Variants in FMN2 observed in about 807,000 individuals in gnomAD.
FMN2 encodes formin-2.
FMN2 carries 51 observed loss-of-function variants against 142.3 expected under a neutral mutation model. That is an observed-to-expected ratio of 0.36 (90% CI 0.29 to 0.45). FMN2 has a LOEUF of 0.45. Among genes scored for constraint, FMN2 ranks in the 20% least tolerant of loss-of-function variants. The pLI is 1.00. For synonymous variants in FMN2, 882 were observed against 869.8 expected (o/e 1.01, Z -0.25); for missense variants, 1,936 against 2,122.8 (o/e 0.91, Z 1.73).
intron 7 of FMN2, among the ~76,000 whole-genome samples, chr1:240,264,256 G>A (rs1668721396): frequency 6.6e-6 from 1 of 152,084 alleles, no homozygotes; most frequent in Non-Finnish European, 1.5e-5. Context: ...CCTCAAAAGG[G>A]TCCAAAGCTG....
chr1:240,387,137 C>G lies in FMN2; in HGVS notation c.4859-5374C>G, dbSNP rs190180682. On this transcript the variant is annotated intron_variant, in intron 14 of 17. Transcript: ENST00000319653. ...CTCTGAATATTGTCATTATAAACCA[C>G]TTTTCATTGTTGCCTTTTTTCTTAA... 8.5e-5 allele frequency among the ~76,000 whole-genome samples: 13 copies of G among 152,314 alleles called. No homozygotes were observed. In the East Asian group the frequency reaches 2.5e-3, roughly 29 times the overall value.
chr1:240,348,334 G>A (rs962051383), intron 13 of FMN2, among the ~76,000 whole-genome samples: 1 of 151,150 alleles, frequency 6.6e-6, no homozygotes, highest in Middle Eastern at 3.2e-3. Flanking sequence ...TGATTCTCGT[G>A]ACTCAGCCTC....
intron 15 of FMN2, among the ~76,000 whole-genome samples, chr1:240,405,185 G>A (rs917563112): frequency 1.3e-5 from 2 of 152,132 alleles, no homozygotes; most frequent in African/African-American, 4.8e-5. Flanking sequence ...TCTAATCACC[G>A]TGCTCTTGAA....
At chr1:240,314,366 C>T (rs989057043) in intron 8 of FMN2, among the ~76,000 whole-genome samples, 20 of 152,096 alleles carry the variant, frequency 1.3e-4, no homozygotes, top group Admixed American at 1.2e-3. Flanking sequence ...TGCTGTATTA[C>T]GTCTATGCCA....
chr1:240,393,228 C>T (rs544085839), intron 15 of FMN2, among the ~76,000 whole-genome samples: 53 of 152,032 alleles, frequency 3.5e-4, no homozygotes, highest in African/African-American at 1.1e-3. Context: ...GCAAGTCTAT[C>T]GGTGCCATGT....
At chr1:240,393,205 A>C (rs184468698) in intron 15 of FMN2, among the ~76,000 whole-genome samples, 1 of 152,110 alleles carries the variant, frequency 6.6e-6, no homozygotes, top group Admixed American at 6.5e-5. Flanking sequence ...GGTTTGTGGC[A>C]ACTCTGCTTC....
chr1:240,289,311 T>G (rs1030027439), intron 7 of FMN2, among the ~76,000 whole-genome samples: 2 of 152,096 alleles, frequency 1.3e-5, no homozygotes, highest in Admixed American at 6.6e-5. Context: ...ATGTAAGGCA[T>G]GTACTAACAC....
chr1:240,279,424 T>G (rs1010626806), intron 7 of FMN2, among the ~76,000 whole-genome samples: 6 of 152,098 alleles, frequency 3.9e-5, no homozygotes, highest in Non-Finnish European at 4.4e-5. Context: ...AAAGCAAAAC[T>G]GATAATCTCC....
chr1:240,184,945 C>A (rs867711023), intron 3 of FMN2, among the ~76,000 whole-genome samples: 24 of 141,014 alleles, frequency 1.7e-4, no homozygotes, highest in Middle Eastern at 3.9e-3. Context: ...CCCTCCTATA[C>A]CTTCCCCTTC....
intron 8 of FMN2, among the ~76,000 whole-genome samples, chr1:240,328,147 CAAAAAAAAAAAAAAAAAAAAAAA>C (rs780595882): frequency 1.9e-5 from 1 of 51,456 alleles, no homozygotes; most frequent in African/African-American, 7.5e-5. Context: ...GACCCCATCT[CAAAAAAAAAAAAAAAAAAAAAAA>C]AAGAAAAAGA....
chr1:240,411,408 T>G (rs1398521470), intron 15 of FMN2, among the ~76,000 whole-genome samples: 1 of 151,882 alleles, frequency 6.6e-6, no homozygotes, highest in Non-Finnish European at 1.5e-5. Flanking sequence ...CCATCTCTAC[T>G]AAAAATACAG....
At chr1:240,438,807 A>G (rs1327707173) in intron 16 of FMN2, among the ~76,000 whole-genome samples, 1 of 152,254 alleles carries the variant, frequency 6.6e-6, no homozygotes. Flanking sequence ...CATATTACAT[A>G]TTAAGTAATG....
At chr1:240,111,882 T>C (rs950282118) in intron 1 of FMN2, among the ~76,000 whole-genome samples, 31 of 152,258 alleles carry the variant, frequency 2.0e-4, no homozygotes, top group East Asian at 5.8e-4. Context: ...CCTCCCCACA[T>C]GGGTGTACTT....
At position 240,294,883 on chromosome 1, in the gene FMN2, T is replaced by A. The variant is rs749686318; in HGVS notation, c.4215T>A (p.Asn1405Lys). The A allele has an allele frequency of 6.2e-7, 1 of 1,613,226 alleles. No individual in the cohort carries two copies. The highest frequency in any genetic ancestry group is 1.1e-5 in the South Asian group (1 of 91,060). ...DLETLQALYE[N>K]RAQSDELEKI... ...AGACCCTTCAAGCTCTCTATGAGAA[T>A]GTGAGTAATAGAAGGAATTTTATGT... The change falls in exon 8 of 18, where the codon AAT becomes AAA. Residue 1405 changes from asparagine (N) to lysine (K), a missense_variant and splice_region_variant. Physicochemically the swap from Asn to Lys is moderately conservative, Grantham distance 94 (BLOSUM62 0). Coordinates refer to ENST00000319653, the MANE Select transcript of FMN2 (RefSeq NM_020066.5).
intron 4 of FMN2, among the ~76,000 whole-genome samples, chr1:240,190,169 T>C (rs1665646387): frequency 6.6e-6 from 1 of 152,260 alleles, no homozygotes; most frequent in East Asian, 1.9e-4. Flanking sequence ...CCTAATGGAG[T>C]AGGTTATTTA....
intron 8 of FMN2, among the ~76,000 whole-genome samples, chr1:240,295,707 G>A (rs1378343708): frequency 6.6e-6 from 1 of 152,164 alleles, no homozygotes; most frequent in African/African-American, 2.4e-5. Flanking sequence ...TCTCTTATGA[G>A]TAGTGCTGCA....
intron 2 of FMN2, among the ~76,000 whole-genome samples, chr1:240,147,625 T>A (rs1663546697): frequency 6.6e-6 from 1 of 152,158 alleles, no homozygotes; most frequent in Admixed American, 6.5e-5. Flanking sequence ...CCCAAAGTGC[T>A]AGGAATACAG....
intron 2 of FMN2, among the ~76,000 whole-genome samples, chr1:240,129,428 T>G (rs1427679043): frequency 6.6e-6 from 1 of 152,128 alleles, no homozygotes; most frequent in Non-Finnish European, 1.5e-5. Context: ...CTTTAACAAT[T>G]ATTTTAGCTG....
intron 1 of FMN2, among the ~76,000 whole-genome samples, chr1:240,121,216 T>C (rs954276922): frequency 6.6e-6 from 1 of 151,816 alleles, no homozygotes; most frequent in Non-Finnish European, 1.5e-5. Context: ...CTCGCTAACA[T>C]TAGAACCAAC....
Sources: allele counts gnomAD v4.1 joint callset (sites outside exome capture counted in the v4.1 genomes callset), GRCh38; gene constraint gnomAD v4.1.1; transcripts MANE v1.5; gene names NCBI Gene and HGNC (gene_info 2026-07-23, HGNC 2026-07-21).